The following AMBRA1 variants were observed in gnomAD, a reference collection of about 807,000 sequenced individuals.
AMBRA1 encodes activating molecule in BECN1-regulated autophagy protein 1.
AMBRA1 carries 47 observed loss-of-function variants against 125.4 expected under a neutral mutation model. The observed-to-expected ratio is 0.37, with a 90% confidence interval of 0.30 to 0.48. The LOEUF (loss-of-function observed/expected upper bound fraction) is 0.48, where lower values mean the gene tolerates loss of function less well. Ranked by LOEUF, AMBRA1 falls within the 20% of genes least tolerant of loss-of-function variation. The pLI is 0.99. For missense variants in AMBRA1, 1,331 were observed against 1,693.4 expected (o/e 0.79, Z 3.76); for synonymous variants, 626 against 655.5 (o/e 0.95, Z 0.69).
intron 9 of AMBRA1, among the ~76,000 whole-genome samples, chr11:46,503,414 A>C (rs1590970086): frequency 6.6e-6 from 1 of 152,350 alleles, no homozygotes; most frequent in African/African-American, 2.4e-5. Flanking sequence ...TGTGGTTCAC[A>C]GTGCCCCAAA....
intron 11 of AMBRA1, among the ~76,000 whole-genome samples, chr11:46,459,739 T>TACACACACAC (rs56374939): frequency 1.9e-4 from 21 of 110,308 alleles, no homozygotes; most frequent in South Asian, 5.8e-4. Flanking sequence ...AAAATACACA[T>TACACACACAC]ACACACACAC....
intron 11 of AMBRA1, among the ~76,000 whole-genome samples, chr11:46,485,985 A>C (rs1950255677): frequency 6.6e-6 from 1 of 152,220 alleles, no homozygotes; most frequent in Non-Finnish European, 1.5e-5. Context: ...CTATAAGGCA[A>C]CTGGGAAGGC....
chr11:46,586,500 G>T (rs1315477176), intron 1 of AMBRA1, among the ~76,000 whole-genome samples: 1 of 151,950 alleles, frequency 6.6e-6, no homozygotes, highest in Non-Finnish European at 1.5e-5. Context: ...TTATTTTGAA[G>T]GGTACTGTGG....
chr11:46,485,396 C>A (rs1950230820), intron 11 of AMBRA1, among the ~76,000 whole-genome samples: 1 of 152,204 alleles, frequency 6.6e-6, no homozygotes, highest in Non-Finnish European at 1.5e-5. Flanking sequence ...TCAAACTGTA[C>A]GAAAGACAAA....
chr11:46,480,323 T>C (rs1190488958), intron 11 of AMBRA1, among the ~76,000 whole-genome samples: 1 of 152,112 alleles, frequency 6.6e-6, no homozygotes, highest in Non-Finnish European at 1.5e-5. Context: ...TCTAAGATCA[T>C]CCACATCCAG....
chr11:46,410,229 G>A, intron 16 of AMBRA1, 47 bp downstream of exon 16: 2 of 1,584,098 alleles, frequency 1.3e-6, no homozygotes, highest in Non-Finnish European at 1.7e-6. Context: ...GCAGGAGGAA[G>A]GGATGGGCCT....
intron 12 of AMBRA1, among the ~76,000 whole-genome samples, chr11:46,436,542 C>T (rs1397569916): frequency 2.0e-5 from 3 of 152,204 alleles, no homozygotes; most frequent in Admixed American, 6.5e-5. Context: ...TGCTCAACTC[C>T]CAACCCACCA....
chr11:46,415,056 G>A (rs774873649), intron 15 of AMBRA1, among the ~76,000 whole-genome samples: 8 of 152,230 alleles, frequency 5.3e-5, no homozygotes, highest in Non-Finnish European at 7.4e-5. Flanking sequence ...CACCTGTTTC[G>A]GAGGGAGGGC....
At chr11:46,572,492 T>C (rs541083337) in intron 1 of AMBRA1, among the ~76,000 whole-genome samples, 44 of 152,208 alleles carry the variant, frequency 2.9e-4, no homozygotes, top group African/African-American at 1.0e-3. Flanking sequence ...CATGAGTAAA[T>C]AATCATAGCA....
At chr11:46,420,481 T>G (rs1003456047) in intron 14 of AMBRA1, among the ~76,000 whole-genome samples, 10 of 152,202 alleles carry the variant, frequency 6.6e-5, no homozygotes, top group Non-Finnish European at 1.5e-4. Flanking sequence ...TGCCTTTAAA[T>G]CAAGCAATGA....
intron 7 of AMBRA1, among the ~76,000 whole-genome samples, chr11:46,518,580 CTG>C (rs1331235485): frequency 6.6e-6 from 1 of 152,078 alleles, no homozygotes; most frequent in Non-Finnish European, 1.5e-5. Flanking sequence ...TACTTTGGAG[CTG>C]GCAAGGCAGA....
At position 46,542,345 on chromosome 11, in the gene AMBRA1, A is replaced by G; in HGVS notation, c.1672T>C (p.Ser558Pro). Residue 558 changes from serine (S) to proline (P), a missense_variant, in exon 7 of 18, where the codon TCC becomes CCC. Transcript: ENST00000683756. The surrounding 1 kb of genome is among the most constrained non-coding windows in gnomAD (Gnocchi z 5.9). ...QPTPHSSENN[S>P]NLSRGHLNRC... ...TTCAGGTGGCCACGGGACAGGTTGGAGTTGTTCTCACTGCTGTGTGGGGTG... is the reference window on the plus strand; with the variant it reads ...TTCAGGTGGCCACGGGACAGGTTGGGGTTGTTCTCACTGCTGTGTGGGGTG... 1 of 1,613,954 alleles carries G rather than the reference A, an allele frequency of 6.2e-7. No individual in the cohort carries two copies. Among genetic ancestry groups the G allele is most frequent in the Non-Finnish European group, 8.5e-7 (1 of 1,180,000 alleles).
intron 11 of AMBRA1, among the ~76,000 whole-genome samples, chr11:46,471,696 C>T (rs557465108): frequency 2.0e-5 from 3 of 151,478 alleles, no homozygotes; most frequent in South Asian, 2.1e-4. Context: ...AGCGTGATCT[C>T]GGCACACTGC....
chr11:46,479,746 T>C (rs962544365), intron 11 of AMBRA1, among the ~76,000 whole-genome samples: 7 of 152,104 alleles, frequency 4.6e-5, no homozygotes, highest in African/African-American at 1.7e-4. Context: ...AGTTTACTGG[T>C]GAATAGAAAG....
chr11:46,508,275 C>T lies in AMBRA1; in HGVS notation c.2255G>A (p.Arg752His), dbSNP rs1177762699. Residue 752 changes from arginine to histidine, a missense_variant, in exon 9 of 18, where the codon CGT becomes CAT. By Grantham distance (29) the Arg-to-His change is conservative. Transcript: ENST00000683756. ...RQRSMRYQQNRLRSSTSSSSS... is the reference protein window; with the variant it reads ...RQRSMRYQQNHLRSSTSSSSS... Reference sequence around the variant, plus strand: ...AGAGGAGGAGGTGGAAGAACGGAGACGGTTCTGTTGGTAGCGCATGGAGCG... The same window carrying T: ...AGAGGAGGAGGTGGAAGAACGGAGATGGTTCTGTTGGTAGCGCATGGAGCG... 9.3e-6 allele frequency: 15 copies of T among 1,614,208 alleles called. No homozygotes were observed. The highest frequency in any genetic ancestry group is 3.3e-5 in the South Asian group (3 of 91,086).
intron 14 of AMBRA1, among the ~76,000 whole-genome samples, chr11:46,424,537 G>A (rs905759509): frequency 6.6e-6 from 1 of 152,210 alleles, no homozygotes; most frequent in Non-Finnish European, 1.5e-5. Flanking sequence ...AGGCACTCAC[G>A]GCTTCTGGAA....
chr11:46,524,480 T>TATGTATTTTA, intron 7 of AMBRA1, among the ~76,000 whole-genome samples: 1 of 152,248 alleles, frequency 6.6e-6, no homozygotes, highest in Non-Finnish European at 1.5e-5. Context: ...AAGAAAACTC[T>TATGTATTTTA]GAGTAACTAA....
At chr11:46,462,319 T>C (rs1218178994) in intron 11 of AMBRA1, among the ~76,000 whole-genome samples, 2 of 152,168 alleles carry the variant, frequency 1.3e-5, no homozygotes, top group African/African-American at 4.8e-5. Context: ...CCTTGGGGTA[T>C]GGGAAACCAG....
intron 7 of AMBRA1, among the ~76,000 whole-genome samples, chr11:46,517,712 T>C (rs1464407270): frequency 2.0e-5 from 3 of 150,014 alleles, no homozygotes; most frequent in African/African-American, 7.3e-5. Context: ...CACACGCCTG[T>C]CCCAGCTACT....
Sources: allele counts gnomAD v4.1 joint callset (sites outside exome capture counted in the v4.1 genomes callset), GRCh38; gene constraint gnomAD v4.1.1; non-coding constraint Gnocchi (gnomAD v3.1); transcripts MANE v1.5; gene names NCBI Gene and HGNC (gene_info 2026-07-23, HGNC 2026-07-21).